The following MTMR12 variants were observed in gnomAD, a reference collection of about 807,000 sequenced individuals.
The protein encoded by MTMR12 is myotubularin-related protein 12.
Under a neutral mutation model 96.7 loss-of-function variants are expected in MTMR12, and 33 were observed. The ratio of observed to expected loss-of-function variants is 0.34; its 90% confidence interval spans 0.26 to 0.46. The LOEUF (loss-of-function observed/expected upper bound fraction) is 0.46, where lower values mean the gene tolerates loss of function less well. MTMR12 is among the 20% of genes least tolerant of loss of function. The pLI is 1.00. For synonymous variants in MTMR12, 298 were observed against 327.2 expected (o/e 0.91, Z 0.96); for missense variants, 721 against 896.1 (o/e 0.80, Z 2.49).
Position 32,235,106 on chromosome 5 carries a change from T to G in MTMR12, c.1368A>C (p.Leu456=). 6.2e-7 allele frequency: 1 copy of G among 1,613,516 alleles called. No individual in the cohort carries two copies. The highest frequency in any genetic ancestry group is 1.1e-5 in the South Asian group (1 of 91,014). ...GGTGCACCAGCTGCCAGACACAATCTAGGAAAAGCAGGAACACAGGAACCT... is the reference window on the plus strand; with the variant it reads ...GGTGCACCAGCTGCCAGACACAATCGAGGAAAAGCAGGAACACAGGAACCT... ...KEEVPVFLLF[L]DCVWQLVHQH... is the part of the protein sequence containing the mutation. The change falls in exon 14 of 16, where the codon CTA becomes CTC. Residue 456 remains leucine, a synonymous_variant. Coordinates refer to ENST00000382142, the MANE Select transcript of MTMR12 (RefSeq NM_001040446.3).
intron 4 of MTMR12, 106 bp from the exon 5 acceptor site, chr5:32,271,053 A>T: frequency 7.6e-7 from 1 of 1,316,566 alleles, no homozygotes; most frequent in Non-Finnish European, 1.0e-6. Flanking sequence ...CTTCCCAAGA[A>T]TGAGAGGAAA....
Position 32,312,624 on chromosome 5 carries a change from C to T in MTMR12, c.81+134G>A. 2 of 830,962 alleles carry T rather than the reference C, an allele frequency of 2.4e-6. No individual in the cohort carries two copies. The highest frequency in any genetic ancestry group is 3.1e-6 in the Non-Finnish European group (2 of 637,652). The allele number at this position is 830,962 out of a possible 1,614,324, so 51.5% of individuals were successfully genotyped here. On this transcript the variant is annotated intron_variant, in intron 1 of 15. Transcript: ENST00000382142. The surrounding 1 kb of genome is among the most constrained non-coding windows in gnomAD (Gnocchi z 5.0). ...CCAGCGCGCTCCTGCGGCCTCAGCC[C>T]GCCTGGCTGCCCCGTCGCCCGGCAC...
intron 1 of MTMR12, among the ~76,000 whole-genome samples, chr5:32,283,682 G>A (rs533674649): frequency 1.3e-5 from 2 of 152,190 alleles, no homozygotes; most frequent in Non-Finnish European, 2.9e-5. Context: ...CCTGAAACCA[G>A]GTAAAAGCGA....
At position 32,248,072 on chromosome 5, in the gene MTMR12, C is replaced by T; in HGVS notation, c.951G>A (p.Leu317=). 6.2e-7 allele frequency: 1 copy of T among 1,614,022 alleles called. No individual in the cohort carries two copies. The highest frequency in any genetic ancestry group is 8.5e-7 in the Non-Finnish European group (1 of 1,179,892). Residue 317 remains leucine, a synonymous_variant, in exon 10 of 16, where the codon CTG becomes CTA. Coordinates refer to ENST00000382142, the MANE Select transcript of MTMR12 (RefSeq NM_001040446.3). ...CCTGCAGGGACAGGAAGTTGCTTGA[C>T]AGGTCTTCCGTTTTAACAATTTCAT... is the stretch of plus-strand genomic sequence containing the variant. The part of the protein sequence containing the change: ...PPYEIVKTED[L]SSNFLSLQEI...
chr5:32,263,909 G>A (rs757068338), intron 6 of MTMR12, among the ~76,000 whole-genome samples: 4 of 152,176 alleles, frequency 2.6e-5, no homozygotes, highest in African/African-American at 4.8e-5. Context: ...TTTTAGCCCT[G>A]CCAATGTGTG....
At chr5:32,245,597 G>A (rs1748647948) in intron 10 of MTMR12, among the ~76,000 whole-genome samples, 1 of 152,132 alleles carries the variant, frequency 6.6e-6, no homozygotes, top group African/African-American at 2.4e-5. Context: ...GGAGGCCGAG[G>A]AGGGTAGATC....
chr5:32,228,439 T>C lies in MTMR12; in HGVS notation c.*1339A>G, dbSNP rs1747814649. On this transcript the variant is annotated 3_prime_UTR_variant, in exon 16 of 16. Transcript: ENST00000382142. ...CTAATGAGTTTTGTTTTTTTCCTCT[T>C]TTATGCGATTTGACAGGGTTCCACT... 1 of 150,572 alleles carries C rather than the reference T, an allele frequency of 6.6e-6. No homozygotes were observed. Among genetic ancestry groups the C allele is most frequent in the Admixed American group, 6.7e-5 (1 of 15,026 alleles). The allele number at this position is 150,572 out of a possible 1,614,324, so 9.3% of individuals were successfully genotyped here. A position where few individuals can be genotyped will look rare whatever the true frequency, so the allele number is the denominator to read the frequency against.
chr5:32,234,393 T>C (rs1748123498), intron 14 of MTMR12, among the ~76,000 whole-genome samples: 1 of 152,078 alleles, frequency 6.6e-6, no homozygotes, highest in Non-Finnish European at 1.5e-5. Context: ...ACTGAGATTA[T>C]CTAATTGGGG....
At position 32,239,028 on chromosome 5, in the gene MTMR12, G is replaced by T; in HGVS notation, c.1317C>A (p.Asn439Lys). 2 of 1,604,966 alleles carry T rather than the reference G, an allele frequency of 1.2e-6. No individual in the cohort carries two copies. The highest frequency in any genetic ancestry group is 1.7e-6 in the Non-Finnish European group (2 of 1,175,066). The change falls in exon 13 of 16, where the codon AAC (asparagine) becomes AAA (lysine). Residue 439 changes from asparagine (N) to lysine (K), a missense_variant. Asn to Lys is a moderately conservative substitution (Grantham distance 94, BLOSUM62 0). Transcript: ENST00000382142. ...MGGHCFLDRC[N>K]HLRQNDKEEV... Reference sequence around the variant, plus strand: ...CCTCTTTGTCGTTCTGGCGGAGATGGTTGCAGCGATCCAAGAAACAGTGGC... The same window carrying T: ...CCTCTTTGTCGTTCTGGCGGAGATGTTTGCAGCGATCCAAGAAACAGTGGC...
intron 6 of MTMR12, among the ~76,000 whole-genome samples, chr5:32,268,080 C>A (rs1749673636): frequency 6.6e-6 from 1 of 152,126 alleles, no homozygotes; most frequent in African/African-American, 2.4e-5. Flanking sequence ...ATCCACCCAC[C>A]TCGGCTTCCT....
At chr5:32,246,937 C>A (rs1487059538) in intron 10 of MTMR12, among the ~76,000 whole-genome samples, 9 of 152,144 alleles carry the variant, frequency 5.9e-5, no homozygotes, top group Non-Finnish European at 1.2e-4. Flanking sequence ...TTTTGGAATT[C>A]ATGTGTAGTT....
At position 32,235,146 on chromosome 5, in the gene MTMR12, T is replaced by C. The variant is rs1047829095; in HGVS notation, c.1345-17A>G. On this transcript the variant is annotated splice_polypyrimidine_tract_variant and intron_variant, in intron 13 of 15. Coordinates refer to ENST00000382142, the MANE Select transcript of MTMR12 (RefSeq NM_001040446.3). The stretch of plus-strand genomic sequence containing the variant: ...CACAGGAACCTGCATGAAAACAAGA[T>C]ACGTTACTTGGTGGGCAGAGCCCAG... 1.2e-6 allele frequency: 2 copies of C among 1,606,018 alleles called. No homozygotes were observed. The highest frequency in any genetic ancestry group is 1.7e-6 in the Non-Finnish European group (2 of 1,176,348).
At chr5:32,257,098 TG>T (rs1270056707) in intron 7 of MTMR12, among the ~76,000 whole-genome samples, 1 of 151,902 alleles carries the variant, frequency 6.6e-6, no homozygotes, top group African/African-American at 2.4e-5. Flanking sequence ...GGGGCCAAGG[TG>T]GGAGGGCTGC....
Position 32,235,132 on chromosome 5 carries a change from G to GC in MTMR12, c.1345-4dup. The stretch of plus-strand genomic sequence containing the variant: ...AGGAAAAGCAGGAACACAGGAACCT[G>GC]CATGAAAACAAGATACGTTACTTGG... On this transcript the variant is annotated splice_polypyrimidine_tract_variant and splice_region_variant and intron_variant, in intron 13 of 15. Coordinates refer to ENST00000382142, the MANE Select transcript of MTMR12 (RefSeq NM_001040446.3). The GC allele has an allele frequency of 6.2e-7, 1 of 1,610,474 alleles. No homozygotes were observed. Among genetic ancestry groups the GC allele is most frequent in the Non-Finnish European group, 8.5e-7 (1 of 1,178,606 alleles).
chr5:32,238,877 C>T, intron 13 of MTMR12, 124 bp downstream of exon 13: 1 of 1,120,622 alleles, frequency 8.9e-7, no homozygotes, highest in East Asian at 2.8e-5. Context: ...TCCTAGTTTT[C>T]TTAACAAACC....
chr5:32,307,182 G>A (rs897439207), intron 1 of MTMR12, among the ~76,000 whole-genome samples: 5 of 151,948 alleles, frequency 3.3e-5, no homozygotes, highest in South Asian at 2.1e-4. Context: ...GTTTATAATC[G>A]TTCTTTAAAA....
chr5:32,241,892 A>G (rs891715485), intron 12 of MTMR12, among the ~76,000 whole-genome samples, 165 bp downstream of exon 12: 1 of 152,234 alleles, frequency 6.6e-6, no homozygotes, highest in Non-Finnish European at 1.5e-5. Context: ...AAACTCTAAC[A>G]CTGAAATCCA....
intron 1 of MTMR12, among the ~76,000 whole-genome samples, chr5:32,310,519 T>A (rs1055280799): frequency 5.3e-5 from 8 of 151,964 alleles, no homozygotes; most frequent in Non-Finnish European, 1.2e-4. Context: ...GAACTGGAGG[T>A]CATTATGTTA....
At chr5:32,245,204 T>C (rs965282115) in intron 10 of MTMR12, among the ~76,000 whole-genome samples, 8 of 152,032 alleles carry the variant, frequency 5.3e-5, no homozygotes, top group Non-Finnish European at 1.2e-4. Context: ...CCTGGCTAAT[T>C]TTTGTATTTT....
Sources: gnomAD v4.1 joint callset for allele counts (sites outside exome capture counted in the v4.1 genomes callset) on GRCh38, gnomAD v4.1.1 for gene constraint, Gnocchi (gnomAD v3.1) non-coding constraint, MANE v1.5 for transcripts, NCBI Gene and HGNC (gene_info 2026-07-23, HGNC 2026-07-21) for gene names.